The following PTPRM variants were observed in gnomAD, a reference collection of about 807,000 sequenced individuals.
The protein encoded by PTPRM is protein tyrosine phosphatase receptor type M.
Under a neutral mutation model 186.7 loss-of-function variants are expected in PTPRM, and 47 were observed. The ratio of observed to expected loss-of-function variants is 0.25; its 90% confidence interval spans 0.20 to 0.32. The LOEUF (loss-of-function observed/expected upper bound fraction) is 0.32. Ranked by LOEUF, PTPRM falls within the 10% of genes least tolerant of loss-of-function variation. The pLI is 1.00. For synonymous variants in PTPRM, 668 were observed against 674.9 expected (o/e 0.99, Z 0.16); for missense variants, 1,494 against 1,865.0 (o/e 0.80, Z 3.66).
In PTPRM at chr18:7,818,418, AC is replaced by A. The variant is rs1040175664; in HGVS notation, c.196+44149del. On this transcript the variant is annotated intron_variant, in intron 2 of 32. Transcript: ENST00000580170. ...TCCTTCCTTCTTTGTGCCTCTTCCT[AC>A]CAGGTACAGACTAACATCCTAGCTC... 4.1e-4 allele frequency among the ~76,000 whole-genome samples: 63 copies of A among 152,154 alleles called. 1 individual carries two copies. Among genetic ancestry groups the A allele is most frequent in the African/African-American group, 1.5e-3 (62 of 41,536 alleles).
At chr18:7,719,414 G>GATGAC (rs1299242958) in intron 1 of PTPRM, among the ~76,000 whole-genome samples, 1 of 152,094 alleles carries the variant, frequency 6.6e-6, no homozygotes, top group Admixed American at 6.5e-5. Flanking sequence ...GGTGATAAAA[G>GATGAC]ATGACATATT....
Position 7,686,389 on chromosome 18 carries a change from C to A in PTPRM, c.74-87760C>A, listed in dbSNP as rs551894003. Among the ~76,000 whole-genome samples the A allele has an allele frequency of 2.0e-5, 3 of 152,176 alleles. No homozygotes were observed. The East Asian group carries it at 5.8e-4, about 29-fold the overall frequency. On this transcript the variant is annotated intron_variant, in intron 1 of 32. Coordinates refer to ENST00000580170, the MANE Select transcript of PTPRM (RefSeq NM_001105244.2). The stretch of plus-strand genomic sequence containing the variant: ...AGTGGTAATTTAAAAAACACTTTTG[C>A]CTTAAACAATAGTCTTTTATTACTA...
intron 14 of PTPRM, among the ~76,000 whole-genome samples, chr18:8,226,968 C>T (rs1601339921): frequency 3.3e-5 from 5 of 152,164 alleles, no homozygotes. Context: ...TTCTGACCTG[C>T]TGTTTTGCCT....
At chr18:7,800,819 T>C (rs903369765) in intron 2 of PTPRM, among the ~76,000 whole-genome samples, 1 of 152,148 alleles carries the variant, frequency 6.6e-6, no homozygotes, top group African/African-American at 2.4e-5. Context: ...TGCTCCTGGG[T>C]TACAAACCTG....
Position 8,012,819 on chromosome 18 carries a change from A to G in PTPRM, c.1133-56867A>G, listed in dbSNP as rs945990267. Among the ~76,000 whole-genome samples, 9 of 152,306 alleles carry G rather than the reference A, an allele frequency of 5.9e-5. 1 individual carries two copies. The East Asian group carries it at 1.5e-3, about 26-fold the overall frequency. ...GAAATGCTGTCTCTTAGCAAAAGGG[A>G]TCATAATTCATTGAATTTTTTATTT... On this transcript the variant is annotated intron_variant, in intron 7 of 32. Coordinates refer to ENST00000580170, the MANE Select transcript of PTPRM (RefSeq NM_001105244.2).
intron 14 of PTPRM, among the ~76,000 whole-genome samples, chr18:8,169,442 A>G (rs1409352596): frequency 6.6e-6 from 1 of 152,110 alleles, no homozygotes; most frequent in Non-Finnish European, 1.5e-5. Context: ...TAATAAGTCT[A>G]AAAGTAATAG....
chr18:8,217,396 G>A (rs1248442263), intron 14 of PTPRM, among the ~76,000 whole-genome samples: 2 of 152,084 alleles, frequency 1.3e-5, no homozygotes, highest in Admixed American at 6.5e-5. Context: ...GATGGAGGAG[G>A]GGAATTTAAC....
At chr18:7,935,325 A>G (rs28714420) in intron 5 of PTPRM, among the ~76,000 whole-genome samples, 9,319 of 152,182 alleles carry the variant, frequency 0.061, 741 homozygotes, top group African/African-American at 0.19. Flanking sequence ...ATCTATATCT[A>G]TATTTATATA....
chr18:8,092,355 G>T (rs1256878744), intron 11 of PTPRM, among the ~76,000 whole-genome samples: 3 of 151,912 alleles, frequency 2.0e-5, no homozygotes, highest in Non-Finnish European at 4.4e-5. Flanking sequence ...TCTGTTCATG[G>T]ATTCAAAGTT....
intron 13 of PTPRM, among the ~76,000 whole-genome samples, chr18:8,126,901 G>A (rs1335140332): frequency 6.6e-6 from 1 of 152,130 alleles, no homozygotes. Flanking sequence ...AGAGCAGAGA[G>A]CGAAAAGGAT....
intron 14 of PTPRM, among the ~76,000 whole-genome samples, chr18:8,210,242 C>T (rs1190087047): frequency 6.6e-6 from 1 of 151,848 alleles, no homozygotes; most frequent in Non-Finnish European, 1.5e-5. Context: ...ACCCGGGAGG[C>T]GGAGTTTGCC....
At chr18:8,260,517 C>T (rs2094618806) in intron 19 of PTPRM, among the ~76,000 whole-genome samples, 1 of 152,104 alleles carries the variant, frequency 6.6e-6, no homozygotes, top group East Asian at 1.9e-4. Context: ...CAGAGCATGA[C>T]TCACTCATTA....
intron 1 of PTPRM, among the ~76,000 whole-genome samples, chr18:7,583,984 A>G (rs2036911808): frequency 6.6e-6 from 1 of 152,146 alleles, no homozygotes; most frequent in African/African-American, 2.4e-5. Flanking sequence ...AGTAAAGAAA[A>G]CATGTAGATC....
At chr18:8,030,220 A>G (rs1314120482) in intron 7 of PTPRM, among the ~76,000 whole-genome samples, 1 of 152,224 alleles carries the variant, frequency 6.6e-6, no homozygotes, top group Non-Finnish European at 1.5e-5. Flanking sequence ...GCCTACCATA[A>G]AAGAAGACAC....
intron 13 of PTPRM, among the ~76,000 whole-genome samples, chr18:8,129,487 A>G (rs1007585976): frequency 1.3e-5 from 2 of 151,344 alleles, no homozygotes; most frequent in Admixed American, 1.3e-4. Flanking sequence ...TTTAAAGTAT[A>G]AGGAATCAAT....
intron 11 of PTPRM, among the ~76,000 whole-genome samples, chr18:8,091,580 C>G (rs78931029): frequency 6.9e-6 from 1 of 144,356 alleles, no homozygotes; most frequent in African/African-American, 2.6e-5. Context: ...CCTCACCTGT[C>G]GAAAAGATTT....
intron 13 of PTPRM, 121 bp downstream of exon 13, chr18:8,114,948 C>CAT (rs112632474): frequency 4.1e-4 from 282 of 688,346 alleles, no homozygotes; most frequent in South Asian, 1.6e-3. Context: ...ATTATATATA[C>CAT]ATATATATAT....
intron 23 of PTPRM, among the ~76,000 whole-genome samples, chr18:8,346,734 A>G (rs1221969846): frequency 1.3e-5 from 2 of 152,060 alleles, no homozygotes; most frequent in African/African-American, 2.4e-5. Flanking sequence ...CAAACCTAAG[A>G]CTGAAGAAAA....
intron 11 of PTPRM, among the ~76,000 whole-genome samples, chr18:8,089,459 A>T (rs1331074472): frequency 1.3e-5 from 2 of 152,196 alleles, no homozygotes; most frequent in Non-Finnish European, 2.9e-5. Flanking sequence ...GTGACTGAAT[A>T]AAATAAATTG....
Sources: allele counts gnomAD v4.1 joint callset (sites outside exome capture counted in the v4.1 genomes callset), GRCh38; gene constraint gnomAD v4.1.1; transcripts MANE v1.5; gene names NCBI Gene and HGNC (gene_info 2026-07-23, HGNC 2026-07-21).